Variants in HTR1E observed in about 807,000 individuals in gnomAD.
The protein encoded by HTR1E is 5-HT-1E.
In HTR1E, 3 loss-of-function variants were observed where a neutral mutation model predicts 3.4. The ratio of observed to expected loss-of-function variants is 0.89; its 90% CI spans 0.41 to 2.31. HTR1E has a LOEUF of 2.31. Among genes scored for constraint, HTR1E ranks in the 30% most tolerant of loss-of-function variants. The probability of loss-of-function intolerance (pLI) is 0.05; values close to 1 mark genes in which losing one functional copy is unlikely to be tolerated. For synonymous variants in HTR1E, 170 were observed against 182.8 expected, an observed-to-expected ratio of 0.93 and a Z score of 0.56; for missense variants, 392 against 467.0, an observed-to-expected ratio of 0.84 and a Z score of 1.48.
At chr6:86,942,664 A>G (rs1768562161) in intron 1 of HTR1E, among the ~76,000 whole-genome samples, 1 of 152,244 alleles carries the variant, frequency 6.6e-6, no homozygotes, top group East Asian at 1.9e-4. Flanking sequence ...ATCATTTACA[A>G]GATGCATTCA....
rs55871033 is a variant in HTR1E, at chr6:86,958,937, CGTGTGTGTGTGTGT to C, written c.-186+21147_-186+21160del. ...CTCCAGAGAAACAGAACCAATTGCA[CGTGTGTGTGTGTGT>C]GTGTGTGTGTGTGTGTGTGTGTGTG... On this transcript the variant is annotated intron_variant, in intron 1 of 1. Coordinates refer to ENST00000305344, the MANE Select transcript of HTR1E (RefSeq NM_000865.3). Among the ~76,000 whole-genome samples the C allele has an allele frequency of 4.8e-3, 677 of 140,074 alleles. 4 individuals carry two copies. The highest frequency in any genetic ancestry group is 0.017 in the African/African-American group (635 of 37,876). The allele number at this position is 140,074 out of a possible 152,430, so 91.9% of individuals were successfully genotyped here. A position where few individuals can be genotyped will look rare whatever the true frequency, so the allele number is the denominator to read the frequency against.
intron 1 of HTR1E, among the ~76,000 whole-genome samples, chr6:86,980,864 C>A (rs1373948415): frequency 6.6e-6 from 1 of 152,106 alleles, no homozygotes; most frequent in Non-Finnish European, 1.5e-5. Flanking sequence ...TTGTTATGAA[C>A]CTAAACTGTG....
At chr6:87,010,337 C>T (rs1171436999) in intron 1 of HTR1E, among the ~76,000 whole-genome samples, 2 of 117,802 alleles carry the variant, frequency 1.7e-5, no homozygotes, top group Admixed American at 8.3e-5. Context: ...ACCTCCCTCC[C>T]GGACGGGGCG....
chr6:86,972,576 T>C (rs1159744783), intron 1 of HTR1E, among the ~76,000 whole-genome samples: 1 of 152,204 alleles, frequency 6.6e-6, no homozygotes, highest in Non-Finnish European at 1.5e-5. Context: ...TATATGTCAT[T>C]GCAGCACTAT....
rs769674442 is a variant in HTR1E at position 87,015,754 on chromosome 6, G to C, written c.420G>C (p.Ala140=). The change falls in exon 2 of 2, where the codon GCG becomes GCC. Residue 140 remains alanine (A), a synonymous_variant. Coordinates refer to ENST00000305344, the MANE Select transcript of HTR1E (RefSeq NM_000865.3). ...GGAAGAGGACGGCCAAGAGGGCCGC[G>C]CTGATGATCCTTACCGTCTGGACCA... ...YARKRTAKRA[A]LMILTVWTIS... 2 of 1,609,702 alleles carry C rather than the reference G, an allele frequency of 1.2e-6. No homozygotes were observed. The highest frequency in any genetic ancestry group is 3.3e-4 in the Middle Eastern group (2 of 6,036).
chr6:87,014,396 G>A (rs1327524837), intron 1 of HTR1E, among the ~76,000 whole-genome samples: 2 of 151,976 alleles, frequency 1.3e-5, no homozygotes, highest in Non-Finnish European at 2.9e-5. Context: ...AAGACAGTAT[G>A]GCGATTCCTC....
At chr6:86,960,827 C>T (rs924369858) in intron 1 of HTR1E, among the ~76,000 whole-genome samples, 5 of 152,144 alleles carry the variant, frequency 3.3e-5, no homozygotes, top group Admixed American at 3.3e-4. Flanking sequence ...GCCTCAGATC[C>T]CTCTCCTAAT....
intron 1 of HTR1E, among the ~76,000 whole-genome samples, chr6:87,010,444 C>A (rs1158289818): frequency 2.6e-5 from 4 of 151,354 alleles, no homozygotes; most frequent in Non-Finnish European, 5.9e-5. Flanking sequence ...GGCGACCGGG[C>A]AGAGACGCTC....
At chr6:86,995,296 A>AT (rs939577328) in intron 1 of HTR1E, among the ~76,000 whole-genome samples, 3 of 144,748 alleles carry the variant, frequency 2.1e-5, no homozygotes, top group African/African-American at 5.4e-5. Context: ...ATAATATAAT[A>AT]AATAAATAAA....
At chr6:87,004,206 T>C (rs1768070195) in intron 1 of HTR1E, among the ~76,000 whole-genome samples, 1 of 152,168 alleles carries the variant, frequency 6.6e-6, no homozygotes, top group African/African-American at 2.4e-5. Flanking sequence ...CCAATTCTAG[T>C]TAAACTATAC....
intron 1 of HTR1E, among the ~76,000 whole-genome samples, chr6:86,996,120 C>T (rs1056987058): frequency 2.6e-5 from 4 of 152,140 alleles, no homozygotes; most frequent in Non-Finnish European, 2.9e-5. Context: ...CATCAACCAA[C>T]AAGATCTAAT....
At chr6:86,987,581 A>C (rs1388947385) in intron 1 of HTR1E, among the ~76,000 whole-genome samples, 1 of 152,202 alleles carries the variant, frequency 6.6e-6, no homozygotes, top group Non-Finnish European at 1.5e-5. Context: ...AATTAGCACT[A>C]GTATAACTGA....
chr6:86,998,252 C>T (rs568511968), intron 1 of HTR1E, among the ~76,000 whole-genome samples: 17 of 152,084 alleles, frequency 1.1e-4, no homozygotes, highest in African/African-American at 3.6e-4. Flanking sequence ...TCTTATAGAA[C>T]ATTGTGTGGA....
chr6:86,985,998 T>C (rs2074491330), intron 1 of HTR1E, among the ~76,000 whole-genome samples: 1 of 152,210 alleles, frequency 6.6e-6, no homozygotes, highest in Non-Finnish European at 1.5e-5. Flanking sequence ...CTGGAATTCA[T>C]TTATTTCTAT....
At chr6:86,972,808 C>G (rs73753628) in intron 1 of HTR1E, among the ~76,000 whole-genome samples, 23,531 of 152,038 alleles carry the variant, frequency 0.15, 2,110 homozygotes, top group East Asian at 0.29. Flanking sequence ...TGGGGTTATG[C>G]CATATAGATG....
At chr6:86,950,762 A>C (rs1767226857) in intron 1 of HTR1E, among the ~76,000 whole-genome samples, 1 of 152,168 alleles carries the variant, frequency 6.6e-6, no homozygotes, top group African/African-American at 2.4e-5. Flanking sequence ...CAGTTTTGTC[A>C]TTAGATGAGT....
intron 1 of HTR1E, among the ~76,000 whole-genome samples, chr6:86,974,107 T>G (rs1379688235): frequency 2.0e-5 from 3 of 152,180 alleles, no homozygotes; most frequent in African/African-American, 7.2e-5. Context: ...ATTTTTATGT[T>G]TTTACCTTTT....
At chr6:86,968,465 C>T (rs922082612) in intron 1 of HTR1E, among the ~76,000 whole-genome samples, 1 of 152,188 alleles carries the variant, frequency 6.6e-6, no homozygotes, top group Non-Finnish European at 1.5e-5. Flanking sequence ...CACACTGTCA[C>T]CAACACAATG....
intron 1 of HTR1E, among the ~76,000 whole-genome samples, chr6:86,953,183 A>C (rs937041281): frequency 6.6e-6 from 1 of 152,170 alleles, no homozygotes; most frequent in Non-Finnish European, 1.5e-5. Context: ...CAGATACAAA[A>C]CCACAGACTT....
Sources: gnomAD v4.1 joint callset for allele counts (sites outside exome capture counted in the v4.1 genomes callset) on GRCh38, gnomAD v4.1.1 for gene constraint, MANE v1.5 for transcripts, NCBI Gene and HGNC (gene_info 2026-07-23, HGNC 2026-07-21) for gene names.